Variants in ANKRD55 observed in about 807,000 individuals in gnomAD.
ANKRD55 encodes the protein ankyrin repeat domain-containing protein 55.
Under a neutral mutation model 60.6 loss-of-function variants are expected in ANKRD55, and 41 were observed. That is an observed-to-expected ratio of 0.68 (90% CI 0.53 to 0.88). The LOEUF (loss-of-function observed/expected upper bound fraction) is 0.88, where lower values mean the gene tolerates loss of function less well. Among genes scored for constraint, ANKRD55 ranks in the 40% least tolerant of loss-of-function variants. ANKRD55 has a pLI of 0.00. For synonymous variants in ANKRD55, 264 were observed against 290.3 expected (o/e 0.91, Z 0.92); for missense variants, 732 against 767.6 (o/e 0.95, Z 0.55).
In ANKRD55 at chr5:56,111,642, C is replaced by T. The variant is rs759075872; in HGVS notation, c.1106G>A (p.Arg369Gln). 8 of 1,553,088 alleles carry T rather than the reference C, an allele frequency of 5.2e-6. No homozygotes were observed. The highest frequency in any genetic ancestry group is 3.5e-4 in the Middle Eastern group (2 of 5,742). ...TTCTGAGGTGTCCTCCTCTCTGTAT[C>T]GGTCCCTGCTGGGATCCTTCTGATG... The part of the protein sequence containing the change: ...RAHQKDPSRD[R>Q]YREEDTSEVN... Residue 369 changes from arginine (R) to glutamine (Q), a missense_variant, in exon 10 of 12, where the codon CGA (arginine) becomes CAA (glutamine). Physicochemically the swap from Arg to Gln is conservative, Grantham distance 43 (BLOSUM62 1). This residue lies in a region of ANKRD55 where 597 missense variants were observed against 607.5 expected (regional missense o/e 0.98). Coordinates refer to ENST00000341048, the MANE Select transcript of ANKRD55 (RefSeq NM_024669.3).
At chr5:56,141,136 T>TTTG (rs1438814081) in intron 7 of ANKRD55, among the ~76,000 whole-genome samples, 1 of 148,914 alleles carries the variant, frequency 6.7e-6, no homozygotes, top group South Asian at 2.2e-4. Context: ...CACAGTTTTT[T>TTTG]TTTTTTTTTT....
chr5:56,113,719 G>A (rs1756806128), intron 9 of ANKRD55, among the ~76,000 whole-genome samples: 3 of 144,298 alleles, frequency 2.1e-5, no homozygotes, highest in Admixed American at 1.4e-4. Context: ...GGAGGTGTAG[G>A]TCGAAGGGTA....
At chr5:56,224,200 A>T (rs1760046126) in intron 2 of ANKRD55, among the ~76,000 whole-genome samples, 1 of 151,970 alleles carries the variant, frequency 6.6e-6, no homozygotes, top group Admixed American at 6.6e-5. Context: ...AAACTGCTCA[A>T]CTACATGGAA....
intron 2 of ANKRD55, among the ~76,000 whole-genome samples, chr5:56,187,050 A>G (rs1199342089): frequency 6.6e-6 from 1 of 152,276 alleles, no homozygotes; most frequent in East Asian, 1.9e-4. Context: ...ACTGTGGACC[A>G]CATACAGCTG....
intron 7 of ANKRD55, among the ~76,000 whole-genome samples, chr5:56,130,779 T>C (rs751222566): frequency 3.9e-5 from 6 of 152,122 alleles, no homozygotes; most frequent in Non-Finnish European, 5.9e-5. Flanking sequence ...AGCAGGAAGA[T>C]GGAGATCCTA....
chr5:56,164,356 C>T (rs949354695), intron 5 of ANKRD55, among the ~76,000 whole-genome samples: 2 of 152,114 alleles, frequency 1.3e-5, no homozygotes, highest in African/African-American at 4.8e-5. Context: ...TCTCCCCTTC[C>T]TGTCCCTGGA....
chr5:56,114,869 G>A (rs559846723), intron 9 of ANKRD55, among the ~76,000 whole-genome samples: 7 of 152,210 alleles, frequency 4.6e-5, no homozygotes, highest in East Asian at 3.9e-4. Context: ...AGGCTGGATC[G>A]TTTTTATATA....
At chr5:56,137,568 A>T (rs973639554) in intron 7 of ANKRD55, 1 of 88,770 alleles carries the variant, frequency 1.1e-5, no homozygotes, top group East Asian at 1.6e-4. Context: ...AAAGTAAAAG[A>T]AAAAAAAAAA....
intron 8 of ANKRD55, among the ~76,000 whole-genome samples, chr5:56,122,664 A>G (rs1757103314): frequency 6.6e-6 from 1 of 151,818 alleles, no homozygotes; most frequent in Non-Finnish European, 1.5e-5. Flanking sequence ...GTCTCCAAAA[A>G]TAAAAGATTG....
intron 2 of ANKRD55, among the ~76,000 whole-genome samples, chr5:56,217,843 C>A (rs1360825504): frequency 6.6e-6 from 1 of 151,764 alleles, no homozygotes; most frequent in Non-Finnish European, 1.5e-5. Flanking sequence ...TTGCAGTGAG[C>A]CGAGATTGTG....
At chr5:56,220,608 A>G (rs561836117) in intron 2 of ANKRD55, among the ~76,000 whole-genome samples, 2 of 152,344 alleles carry the variant, frequency 1.3e-5, no homozygotes, top group Non-Finnish European at 1.5e-5. Flanking sequence ...TGAGGTCAGG[A>G]GTTCAAGACT....
chr5:56,214,622 C>T (rs572181597), intron 2 of ANKRD55, among the ~76,000 whole-genome samples: 1 of 152,288 alleles, frequency 6.6e-6, no homozygotes, highest in African/African-American at 2.4e-5. Context: ...GCTCCAGTGG[C>T]CATGGGATTT....
Position 56,233,260 on chromosome 5 carries a change from AAC to A in ANKRD55, c.-55_-54del, listed in dbSNP as rs138135346. 0.054 allele frequency: 14,386 copies of A among 268,346 alleles called. 589 individuals are homozygous for A. Among genetic ancestry groups the A allele is most frequent in the African/African-American group, 0.13 (5,754 of 45,484 alleles). 16.6% of individuals were successfully genotyped at this position (268,346 alleles called of 1,614,324 possible). A position where few individuals can be genotyped will look rare whatever the true frequency, so the allele number is the denominator to read the frequency against. On this transcript the variant is annotated 5_prime_UTR_variant, in exon 1 of 12. Transcript: ENST00000341048. ...ACCTGCCTTGGATCTGGGCTGGAAA[AAC>A]ACAGCAGATCACGGAGCTTCAGCAG...
At chr5:56,111,828 T>A in intron 9 of ANKRD55, 46 bp from the exon 10 acceptor site, 24 of 1,433,666 alleles carry the variant, frequency 1.7e-5, no homozygotes, top group Non-Finnish European at 2.0e-5. Context: ...GTATGGGAAG[T>A]AGAGACATCA....
chr5:56,174,065 C>T (rs955791167), intron 4 of ANKRD55, among the ~76,000 whole-genome samples: 14 of 152,122 alleles, frequency 9.2e-5, no homozygotes, highest in Non-Finnish European at 1.5e-4. Flanking sequence ...AATGGAGGGT[C>T]CTGCCTTGGG....
Position 56,133,451 on chromosome 5 carries a change from A to AAC in ANKRD55, c.613-6346_613-6345insGT, listed in dbSNP as rs1380329260. 2.7e-4 allele frequency among the ~76,000 whole-genome samples: 31 copies of AAC among 113,386 alleles called. 7 individuals are homozygous for AAC. In the South Asian group the frequency reaches 8.8e-3, roughly 32 times the overall value. 74.4% of individuals were successfully genotyped at this position (113,386 alleles called of 152,430 possible). ...AAGACTCCGTCTCAAAAAAAAAAAA[A>AAC]AACAATTAATTAATTGGATACAATT... On this transcript the variant is annotated intron_variant, in intron 7 of 11. Coordinates refer to ENST00000341048, the MANE Select transcript of ANKRD55 (RefSeq NM_024669.3).
chr5:56,105,900 C>CG (rs892847405), intron 10 of ANKRD55, among the ~76,000 whole-genome samples: 4 of 152,168 alleles, frequency 2.6e-5, no homozygotes, highest in African/African-American at 9.7e-5. Flanking sequence ...TTTCTTGTGA[C>CG]GGCTTATAAA....
At chr5:56,162,672 AATTT>A (rs1758361224) in intron 5 of ANKRD55, among the ~76,000 whole-genome samples, 1 of 147,048 alleles carries the variant, frequency 6.8e-6, no homozygotes, top group African/African-American at 2.5e-5. Flanking sequence ...ATTTTTGGTC[AATTT>A]TTTTTTTTTT....
intron 10 of ANKRD55, among the ~76,000 whole-genome samples, chr5:56,103,897 T>C (rs183621827): frequency 1.6e-4 from 25 of 152,318 alleles, no homozygotes; most frequent in African/African-American, 6.0e-4. Flanking sequence ...GTGAATCTCA[T>C]GGTGGATGGT....
Sources: allele counts gnomAD v4.1 joint callset (sites outside exome capture counted in the v4.1 genomes callset), GRCh38; gene constraint gnomAD v4.1.1; regional missense constraint gnomAD v4.1.1; transcripts MANE v1.5; gene names NCBI Gene and HGNC (gene_info 2026-07-23, HGNC 2026-07-21).